The following ROR1 variants were observed in gnomAD, a reference collection of about 807,000 sequenced individuals.
The protein encoded by ROR1 is ROR family WNT receptor 1.
ROR1 carries 19 observed loss-of-function variants against 78.8 expected under a neutral mutation model. The observed-to-expected ratio is 0.24, with a 90% CI of 0.17 to 0.35. The LOEUF is 0.35. Ranked by LOEUF, ROR1 falls within the 10% of genes least tolerant of loss-of-function variation. The pLI is 1.00. For missense variants in ROR1, 917 were observed against 1,177.8 expected (o/e 0.78, Z 3.24); for synonymous variants, 386 against 433.6 (o/e 0.89, Z 1.36).
At chr1:63,946,746 A>G (rs77464895) in intron 1 of ROR1, among the ~76,000 whole-genome samples, 3,933 of 152,258 alleles carry the variant, frequency 0.026, 172 homozygotes, top group African/African-American at 0.09. Context: ...CAGGCTCTGT[A>G]TATCTGTGAC....
chr1:64,114,772 G>T (rs1430069412), intron 4 of ROR1, among the ~76,000 whole-genome samples: 1 of 152,056 alleles, frequency 6.6e-6, no homozygotes, highest in Non-Finnish European at 1.5e-5. Flanking sequence ...TTCCTAGCAG[G>T]GACCATGAAT....
chr1:63,890,304 T>C (rs1471513314), intron 1 of ROR1, among the ~76,000 whole-genome samples: 1 of 151,834 alleles, frequency 6.6e-6, no homozygotes, highest in Non-Finnish European at 1.5e-5. Flanking sequence ...TACCAACTCA[T>C]TTTTCTTATT....
chr1:63,835,373 G>A (rs1645013804), intron 1 of ROR1, among the ~76,000 whole-genome samples: 1 of 152,134 alleles, frequency 6.6e-6, no homozygotes, highest in Non-Finnish European at 1.5e-5. Flanking sequence ...TAGGTCAATT[G>A]CCAGCATGTC....
chr1:64,131,554 T>G (rs929715614), intron 4 of ROR1, among the ~76,000 whole-genome samples: 1 of 152,138 alleles, frequency 6.6e-6, no homozygotes, highest in African/African-American at 2.4e-5. Flanking sequence ...TGATATTTTT[T>G]TTTTAATTAA....
chr1:64,111,940 C>T (rs904144263), intron 4 of ROR1: 4 of 152,196 alleles, frequency 2.6e-5, no homozygotes, highest in African/African-American at 9.6e-5. Flanking sequence ...AATGAAAAGT[C>T]CTTACATTCC....
chr1:64,147,955 T>G (rs1368171269), intron 7 of ROR1, among the ~76,000 whole-genome samples: 1 of 152,062 alleles, frequency 6.6e-6, no homozygotes, highest in East Asian at 1.9e-4. Flanking sequence ...TCAGGGATGT[T>G]GCTAAATACA....
At chr1:63,889,654 CA>C (rs1457798390) in intron 1 of ROR1, among the ~76,000 whole-genome samples, 2 of 152,068 alleles carry the variant, frequency 1.3e-5, no homozygotes, top group African/African-American at 4.8e-5. Flanking sequence ...GGGCATAAAC[CA>C]AAGATTTGCA....
At chr1:63,986,584 C>T (rs1230146146) in intron 1 of ROR1, among the ~76,000 whole-genome samples, 1 of 152,104 alleles carries the variant, frequency 6.6e-6, no homozygotes, top group Non-Finnish European at 1.5e-5. Flanking sequence ...AGGTTCTAAC[C>T]CAGGAGTTCT....
chr1:63,926,430 A>C (rs1227694066), intron 1 of ROR1, among the ~76,000 whole-genome samples: 1 of 152,186 alleles, frequency 6.6e-6, no homozygotes, highest in African/African-American at 2.4e-5. Context: ...TATAGTTTGA[A>C]GTCAGGTAGT....
chr1:64,067,348 C>A (rs1361633209), intron 4 of ROR1, among the ~76,000 whole-genome samples: 3 of 129,086 alleles, frequency 2.3e-5, no homozygotes, highest in African/African-American at 8.8e-5. Flanking sequence ...CCCTGTCTCA[C>A]AAAAAAATAA....
intron 4 of ROR1, among the ~76,000 whole-genome samples, chr1:64,076,845 T>TA (rs1647053814): frequency 6.6e-6 from 1 of 152,234 alleles, no homozygotes; most frequent in Admixed American, 6.5e-5. Context: ...TAACATATCT[T>TA]ACAGCAGTAT....
intron 2 of ROR1, among the ~76,000 whole-genome samples, chr1:64,032,263 C>G (rs184110333): frequency 1.4e-5 from 2 of 147,902 alleles, no homozygotes; most frequent in Admixed American, 1.4e-4. Flanking sequence ...ATGGTGTGAA[C>G]CCGGGAGGAG....
intron 1 of ROR1, among the ~76,000 whole-genome samples, chr1:63,925,655 C>T (rs1203991432): frequency 3.3e-5 from 5 of 151,196 alleles, no homozygotes; most frequent in Non-Finnish European, 5.9e-5. Flanking sequence ...TCCTATTTCT[C>T]CACATCCTCT....
intron 4 of ROR1, among the ~76,000 whole-genome samples, chr1:64,122,408 A>G (rs1291840440): frequency 6.6e-6 from 1 of 152,140 alleles, no homozygotes; most frequent in Non-Finnish European, 1.5e-5. Flanking sequence ...TACCCTCTCA[A>G]TCCAAATGTT....
chr1:63,904,184 A>C (rs899584275), intron 1 of ROR1, among the ~76,000 whole-genome samples: 2 of 152,150 alleles, frequency 1.3e-5, no homozygotes, highest in Non-Finnish European at 2.9e-5. Flanking sequence ...ACAGGAAGTG[A>C]AATCTGAGTG....
intron 4 of ROR1, among the ~76,000 whole-genome samples, chr1:64,130,562 A>G (rs1405820266): frequency 1.3e-5 from 2 of 152,012 alleles, no homozygotes; most frequent in East Asian, 1.9e-4. Flanking sequence ...CATCATTTCA[A>G]GGTGTGTGCA....
intron 1 of ROR1, among the ~76,000 whole-genome samples, chr1:63,791,649 G>A (rs928868326): frequency 6.6e-6 from 1 of 152,142 alleles, no homozygotes; most frequent in African/African-American, 2.4e-5. Flanking sequence ...GGATGGGCAT[G>A]AGGGTGGGGT....
chr1:63,882,930 G>T (rs1645332544), intron 1 of ROR1, among the ~76,000 whole-genome samples: 1 of 148,932 alleles, frequency 6.7e-6, no homozygotes, highest in African/African-American at 2.6e-5. Context: ...GAAAATTAAG[G>T]ACTGTCTTCA....
chr1:63,955,786 C>T (rs7516170), intron 1 of ROR1, among the ~76,000 whole-genome samples: 2,006 of 152,250 alleles, frequency 0.013, 45 homozygotes, highest in African/African-American at 0.047. Flanking sequence ...CCCCCACCAC[C>T]GTAGCAGTTT....
Sources: gnomAD v4.1 joint callset for allele counts (sites outside exome capture counted in the v4.1 genomes callset) on GRCh38, gnomAD v4.1.1 for gene constraint, MANE v1.5 for transcripts, NCBI Gene and HGNC (gene_info 2026-07-23, HGNC 2026-07-21) for gene names.